The following NDC80 variants were observed in gnomAD, a reference collection of about 807,000 sequenced individuals.
NDC80 encodes kinetochore protein NDC80 homolog.
NDC80 carries 69 observed loss-of-function variants against 89.3 expected under a neutral mutation model. The ratio of observed to expected loss-of-function variants is 0.77; its 90% CI spans 0.64 to 0.94. The LOEUF (loss-of-function observed/expected upper bound fraction) is 0.94, where lower values mean the gene tolerates loss of function less well. NDC80 is among the 40% of genes least tolerant of loss of function. The pLI is 0.00. For missense variants in NDC80, 593 were observed against 739.6 expected (o/e 0.80, Z 2.30); for synonymous variants, 243 against 255.6 (o/e 0.95, Z 0.47).
At chr18:2,614,669 T>C (rs2072775002) in intron 16 of NDC80, among the ~76,000 whole-genome samples, 2 of 147,844 alleles carry the variant, frequency 1.4e-5, no homozygotes, top group East Asian at 2.0e-4. Flanking sequence ...AATTTGGCAA[T>C]CCGAAAAACC....
chr18:2,580,334 C>CT (rs199949275), intron 6 of NDC80, among the ~76,000 whole-genome samples: 2 of 150,682 alleles, frequency 1.3e-5, no homozygotes, highest in African/African-American at 2.5e-5. Context: ...TTTTCTCTCT[C>CT]TCTTTTTTTT....
intron 10 of NDC80, 82 bp downstream of exon 10, chr18:2,590,244 T>C (rs949417664): frequency 7.2e-7 from 1 of 1,386,258 alleles, no homozygotes; most frequent in South Asian, 1.6e-5. Flanking sequence ...GTTATCCATA[T>C]CTTTTGTTGT....
In NDC80 at chr18:2,585,111, A is replaced by T. The variant is rs1399636175; in HGVS notation, c.580-2A>T. 6.2e-7 allele frequency: 1 copy of T among 1,610,840 alleles called. No individual in the cohort carries two copies. The highest frequency in any genetic ancestry group is 1.7e-5 in the Admixed American group (1 of 59,994). The stretch of plus-strand genomic sequence containing the variant: ...TGCTTTTCTTGCTTGTGTACTAATT[A>T]GATACATACTGCCATGAAAGAAAGC... On this transcript the variant is annotated splice_acceptor_variant, in intron 6 of 16. Coordinates refer to ENST00000261597, the MANE Select transcript of NDC80 (RefSeq NM_006101.3). LOFTEE classifies it high-confidence loss of function.
At chr18:2,579,925 T>C (rs2072567508) in intron 6 of NDC80, among the ~76,000 whole-genome samples, 2 of 152,078 alleles carry the variant, frequency 1.3e-5, no homozygotes, top group African/African-American at 4.8e-5. Context: ...AGGTGAAAAA[T>C]AGCTTGTTTA....
intron 13 of NDC80, among the ~76,000 whole-genome samples, chr18:2,601,827 T>G (rs2072685822): frequency 1.3e-5 from 2 of 152,192 alleles, no homozygotes; most frequent in Admixed American, 1.3e-4. Flanking sequence ...AATTACGGCG[T>G]TAGAAGCTAA....
intron 16 of NDC80, among the ~76,000 whole-genome samples, chr18:2,612,969 A>C (rs1023575133): frequency 6.6e-6 from 1 of 152,274 alleles, no homozygotes; most frequent in Non-Finnish European, 1.5e-5. Context: ...TGAGTAATCA[A>C]GTTGGACTAA....
chr18:2,605,601 T>C (rs1025023809), intron 13 of NDC80, among the ~76,000 whole-genome samples: 3 of 152,082 alleles, frequency 2.0e-5, no homozygotes, highest in Non-Finnish European at 4.4e-5. Context: ...TGGTTTTGAG[T>C]TCTGGGCGTA....
At position 2,588,010 on chromosome 18, in the gene NDC80, A is replaced by G. The variant is rs1270264351; in HGVS notation, c.763+87A>G. On this transcript the variant is annotated intron_variant, in intron 8 of 16. Transcript: ENST00000261597. ...AATTTATTTACCATATCCAGTGTTCATATGAGCTACTTACTTTAAATGTAT... is the reference window on the plus strand; with the variant it reads ...AATTTATTTACCATATCCAGTGTTCGTATGAGCTACTTACTTTAAATGTAT... 4 of 993,222 alleles carry G rather than the reference A, an allele frequency of 4.0e-6. No homozygotes were observed. The African/African-American group carries it at 6.4e-5, about 16-fold the overall frequency. 61.5% of individuals were successfully genotyped at this position (993,222 alleles called of 1,614,324 possible).
At chr18:2,583,317 G>T (rs1036722631) in intron 6 of NDC80, among the ~76,000 whole-genome samples, 2 of 152,118 alleles carry the variant, frequency 1.3e-5, no homozygotes, top group African/African-American at 4.8e-5. Flanking sequence ...CCTTGGCAAG[G>T]TGACAGAAGC....
chr18:2,580,689 C>A (rs2072572470), intron 6 of NDC80, among the ~76,000 whole-genome samples: 1 of 144,130 alleles, frequency 6.9e-6, no homozygotes, highest in African/African-American at 2.5e-5. Flanking sequence ...CCCGGTGATG[C>A]CCATGGACAT....
chr18:2,589,443 C>T (rs2072616743), intron 9 of NDC80, 133 bp downstream of exon 9: 3 of 633,192 alleles, frequency 4.7e-6, no homozygotes. Flanking sequence ...AAATTTTCAC[C>T]TAGAAACTCC....
At position 2,577,629 on chromosome 18, in the gene NDC80, A is replaced by C. The variant is rs1248482103; in HGVS notation, c.180-117A>C. On this transcript the variant is annotated intron_variant, in intron 3 of 16. Coordinates refer to ENST00000261597, the MANE Select transcript of NDC80 (RefSeq NM_006101.3). ...TGCTTTAAATAAGAGAATTCTGTTT[A>C]GTTATAAGAACGTAATGTTTGATGT... is the stretch of plus-strand genomic sequence containing the variant. 6 of 1,075,688 alleles carry C rather than the reference A, an allele frequency of 5.6e-6. No homozygotes were observed. In the African/African-American group the frequency reaches 6.3e-5, roughly 11 times the overall value. 66.6% of individuals were successfully genotyped at this position (1,075,688 alleles called of 1,614,324 possible). A position where few individuals can be genotyped will look rare whatever the true frequency, so the allele number is the denominator to read the frequency against.
At chr18:2,581,291 A>T (rs2072576880) in intron 6 of NDC80, among the ~76,000 whole-genome samples, 1 of 152,134 alleles carries the variant, frequency 6.6e-6, no homozygotes, top group African/African-American at 2.4e-5. Context: ...ATTCATCTCC[A>T]ATTTATTTTA....
At chr18:2,596,162 G>A (rs2072654895) in intron 11 of NDC80, among the ~76,000 whole-genome samples, 1 of 152,108 alleles carries the variant, frequency 6.6e-6, no homozygotes, top group Admixed American at 6.5e-5. Flanking sequence ...TGGCTGAGAG[G>A]TTTTTAGAAG....
intron 10 of NDC80, among the ~76,000 whole-genome samples, chr18:2,592,717 C>A (rs1178183120): frequency 6.6e-6 from 1 of 152,072 alleles, no homozygotes; most frequent in African/African-American, 2.4e-5. Context: ...GTGATAAATG[C>A]ATAAAGTTTT....
chr18:2,613,649 A>G (rs2072756697), intron 16 of NDC80, among the ~76,000 whole-genome samples: 2 of 152,242 alleles, frequency 1.3e-5, no homozygotes, highest in Admixed American at 6.5e-5. Flanking sequence ...CGAGAATTAT[A>G]AGAAACTATC....
At chr18:2,577,631 T>C in intron 3 of NDC80, 115 bp from the exon 4 acceptor site, 1 of 1,118,726 alleles carries the variant, frequency 8.9e-7, no homozygotes. Context: ...TTCTGTTTAG[T>C]TATAAGAACG....
chr18:2,600,748 A>G (rs1238414287), intron 12 of NDC80, among the ~76,000 whole-genome samples: 1 of 152,234 alleles, frequency 6.6e-6, no homozygotes, highest in Non-Finnish European at 1.5e-5. Flanking sequence ...GCATAATGAA[A>G]TGTTTTGGAA....
At chr18:2,574,441 A>G (rs1382904408) in intron 2 of NDC80, among the ~76,000 whole-genome samples, 3 of 152,216 alleles carry the variant, frequency 2.0e-5, no homozygotes, top group Admixed American at 6.5e-5. Flanking sequence ...ATCACTGTAC[A>G]TTATATGTAT....
Sources: gnomAD v4.1 joint callset for allele counts (sites outside exome capture counted in the v4.1 genomes callset) on GRCh38, gnomAD v4.1.1 for gene constraint, MANE v1.5 for transcripts, NCBI Gene and HGNC (gene_info 2026-07-23, HGNC 2026-07-21) for gene names.